The following NACC2 variants were observed in gnomAD, a reference collection of about 807,000 sequenced individuals.
NACC2 encodes nucleus accumbens-associated protein 2.
A neutral mutation model predicts 25.1 loss-of-function variants in NACC2; 8 were observed. The observed-to-expected ratio is 0.32, with a 90% CI of 0.19 to 0.57. The LOEUF (loss-of-function observed/expected upper bound fraction) is 0.57. NACC2 is among the 20% of genes least tolerant of loss of function. NACC2 has a pLI of 0.89. For synonymous variants in NACC2, 435 were observed against 294.7 expected (o/e 1.48, Z -4.88); for missense variants, 644 against 650.2 (o/e 0.99, Z 0.10).
In NACC2 at chr9:136,028,530, G is replaced by A. The variant is rs192841895; in HGVS notation, c.887-12101C>T. Among the ~76,000 whole-genome samples, 17 of 152,216 alleles carry A rather than the reference G, an allele frequency of 1.1e-4. No homozygotes were observed. The East Asian group carries it at 1.5e-3, about 14-fold the overall frequency. ...AACTGTGACTACAGGTGATGGCAGCGGTGGCCCGTCTGGACCAGCCACTGC... is the reference window on the plus strand; with the variant it reads ...AACTGTGACTACAGGTGATGGCAGCAGTGGCCCGTCTGGACCAGCCACTGC... On this transcript the variant is annotated intron_variant, in intron 2 of 5. Coordinates refer to ENST00000277554, the MANE Select transcript of NACC2 (RefSeq NM_144653.5).
intron 2 of NACC2, among the ~76,000 whole-genome samples, chr9:136,042,649 C>CACACACACAGAA (rs1236486249): frequency 2.0e-5 from 3 of 151,934 alleles, no homozygotes; most frequent in African/African-American, 7.3e-5. Context: ...CTCACAGACA[C>CACACACACAGAA]ACACACACAG....
chr9:136,029,239 C>A (rs969647675), intron 2 of NACC2, among the ~76,000 whole-genome samples: 1 of 152,166 alleles, frequency 6.6e-6, no homozygotes, highest in African/African-American at 2.4e-5. Context: ...CCAGACTCAG[C>A]CAGACAACAG....
At chr9:136,057,420 C>A (rs1840941131) in intron 1 of NACC2, among the ~76,000 whole-genome samples, 1 of 152,188 alleles carries the variant, frequency 6.6e-6, no homozygotes, top group Non-Finnish European at 1.5e-5. Context: ...CCCAGATCCG[C>A]CCTATGGCCC....
intron 2 of NACC2, among the ~76,000 whole-genome samples, chr9:136,043,383 C>T (rs1371868209): frequency 6.6e-6 from 1 of 152,194 alleles, no homozygotes; most frequent in Non-Finnish European, 1.5e-5. Flanking sequence ...CAGGGAAATG[C>T]AAATAGAAAC....
At position 136,022,031 on chromosome 9, in the gene NACC2, G is replaced by A. The variant is rs1469879392; in HGVS notation, c.887-5602C>T. 1.3e-5 allele frequency among the ~76,000 whole-genome samples: 2 copies of A among 152,148 alleles called. No individual in the cohort carries two copies. Among genetic ancestry groups the A allele is most frequent in the Admixed American group, 6.5e-5 (1 of 15,288 alleles). ...TCGGGCTACACACCTGTCCCCACGG[G>A]GGCAGCCTGCACGACTCTAGGTGGC... is the stretch of plus-strand genomic sequence containing the variant. On this transcript the variant is annotated intron_variant, in intron 2 of 5. Transcript: ENST00000277554. The surrounding 1 kb of genome is among the most constrained non-coding windows in gnomAD (Gnocchi z 4.4).
At chr9:136,041,047 G>GAA (rs1840620827) in intron 2 of NACC2, among the ~76,000 whole-genome samples, 1 of 146,796 alleles carries the variant, frequency 6.8e-6, no homozygotes, top group African/African-American at 2.5e-5. Context: ...GAAAAGGAAG[G>GAA]AAGGAAGGAA....
At chr9:136,016,132 G>C (rs988855073) in intron 3 of NACC2, 133 bp downstream of exon 3, 1 of 938,196 alleles carries the variant, frequency 1.1e-6, no homozygotes, top group Admixed American at 2.8e-5. Context: ...CTTCTAAAAG[G>C]AAATTAGAGG....
At chr9:136,065,489 G>A (rs955696702) in intron 1 of NACC2, among the ~76,000 whole-genome samples, 17 of 152,300 alleles carry the variant, frequency 1.1e-4, no homozygotes, top group African/African-American at 2.6e-4. Flanking sequence ...ATGTGGTGGC[G>A]CACGCCAGTA....
Position 136,011,952 on chromosome 9 carries a change from T to C in NACC2, c.1328A>G (p.Asn443Ser). 6.2e-7 allele frequency: 1 copy of C among 1,605,786 alleles called. No homozygotes were observed. The highest frequency in any genetic ancestry group is 2.2e-5 in the East Asian group (1 of 44,518). ...CCAGCGCTTGCGAACGCGGCGGGCGTTGGTGCACATGTCCGCGGCGATCAC... is the reference window on the plus strand; with the variant it reads ...CCAGCGCTTGCGAACGCGGCGGGCGCTGGTGCACATGTCCGCGGCGATCAC... ...MNVIAADMCT[N>S]ARRVRKRWLP... Residue 443 changes from asparagine (N) to serine (S), a missense_variant, in exon 6 of 6, where the codon AAC (asparagine) becomes AGC (serine). Asn to Ser is a conservative substitution (Grantham distance 46, BLOSUM62 1). Coordinates refer to ENST00000277554, the MANE Select transcript of NACC2 (RefSeq NM_144653.5).
At chr9:136,029,835 C>A (rs1044245531) in intron 2 of NACC2, among the ~76,000 whole-genome samples, 1 of 152,150 alleles carries the variant, frequency 6.6e-6, no homozygotes, top group South Asian at 2.1e-4. Flanking sequence ...CGCTCACACA[C>A]CCCTTGCTGC....
In NACC2 at chr9:136,067,766, C is replaced by T. The variant is rs532380293; in HGVS notation, c.-59-17186G>A. ...AGGAGAATCACTTGAACCCGGGAGG[C>T]GGAGGTTGCGGTGAGCCGAGATCGC... On this transcript the variant is annotated intron_variant, in intron 1 of 5. Coordinates refer to ENST00000277554, the MANE Select transcript of NACC2 (RefSeq NM_144653.5). Among the ~76,000 whole-genome samples the T allele has an allele frequency of 1.6e-4, 24 of 152,258 alleles. No individual in the cohort carries two copies. The South Asian group carries it at 2.5e-3, about 16-fold the overall frequency.
At chr9:136,035,682 G>A (rs1840540479) in intron 2 of NACC2, among the ~76,000 whole-genome samples, 1 of 151,070 alleles carries the variant, frequency 6.6e-6, no homozygotes, top group Non-Finnish European at 1.5e-5. Flanking sequence ...ACAGCGTACT[G>A]TGATTATATA....
chr9:136,067,775 C>A (rs143236878), intron 1 of NACC2, among the ~76,000 whole-genome samples: 6 of 152,192 alleles, frequency 3.9e-5, no homozygotes, highest in African/African-American at 1.4e-4. Flanking sequence ...GCGGAGGTTG[C>A]GGTGAGCCGA....
rs1040485238 is a variant in NACC2, at chr9:136,011,282, A to G, written c.*234T>C. 8 of 369,802 alleles carry G rather than the reference A, an allele frequency of 2.2e-5. No homozygotes were observed. Among genetic ancestry groups the G allele is most frequent in the Non-Finnish European group, 3.2e-5 (7 of 218,050 alleles). The allele number at this position is 369,802 out of a possible 1,614,324, so 22.9% of individuals were successfully genotyped here. A position where few individuals can be genotyped will look rare whatever the true frequency, so the allele number is the denominator to read the frequency against. On this transcript the variant is annotated 3_prime_UTR_variant, in exon 6 of 6. Transcript: ENST00000277554. ...TTGGAGGCTGACCTTGTGAATATCA[A>G]AAGGGAGCCCTGGGAACTTCCTCGC...
At chr9:136,032,531 A>T (rs1056842229) in intron 2 of NACC2, among the ~76,000 whole-genome samples, 1 of 152,106 alleles carries the variant, frequency 6.6e-6, no homozygotes, top group African/African-American at 2.4e-5. Context: ...GATATGTAAG[A>T]AGTTCTGGCC....
In NACC2 at chr9:136,018,750, G is replaced by C. The variant is rs1328880594; in HGVS notation, c.887-2321C>G. Among the ~76,000 whole-genome samples, 3 of 152,106 alleles carry C rather than the reference G, an allele frequency of 2.0e-5. No homozygotes were observed. Among genetic ancestry groups the C allele is most frequent in the Non-Finnish European group, 4.4e-5 (3 of 68,028 alleles). On this transcript the variant is annotated intron_variant, in intron 2 of 5. Transcript: ENST00000277554. The surrounding 1 kb of genome is among the most constrained non-coding windows in gnomAD (Gnocchi z 4.4). ...GCAGGATAAGCCCAGAATTACCCGAGTGCTCAGGGAACACAGCAAAACAAC... is the reference window on the plus strand; with the variant it reads ...GCAGGATAAGCCCAGAATTACCCGACTGCTCAGGGAACACAGCAAAACAAC...
chr9:136,092,588 G>A (rs1166590311), intron 1 of NACC2, among the ~76,000 whole-genome samples: 1 of 152,234 alleles, frequency 6.6e-6, no homozygotes, highest in South Asian at 2.1e-4. Context: ...CCCTGAAGTG[G>A]AAGGTGGCCT....
intron 1 of NACC2, among the ~76,000 whole-genome samples, chr9:136,089,411 G>A (rs1830412903): frequency 6.6e-6 from 1 of 152,052 alleles, no homozygotes. Context: ...TCCAGGCGAA[G>A]GGTAGGGGGT....
chr9:136,033,648 CAAAAA>C (rs558163152), intron 2 of NACC2, among the ~76,000 whole-genome samples: 1 of 71,204 alleles, frequency 1.4e-5, no homozygotes, highest in Non-Finnish European at 2.6e-5. Context: ...GACTCTGTCT[CAAAAA>C]AAAAAAAAAA....
Sources: gnomAD v4.1 joint callset for allele counts (sites outside exome capture counted in the v4.1 genomes callset) on GRCh38, gnomAD v4.1.1 for gene constraint, Gnocchi (gnomAD v3.1) non-coding constraint, MANE v1.5 for transcripts, NCBI Gene and HGNC (gene_info 2026-07-23, HGNC 2026-07-21) for gene names.